UNC13C: variants seen among roughly 807,000 people sequenced by gnomAD.
The protein encoded by UNC13C is protein unc-13 homolog C.
Under a neutral mutation model 245.4 loss-of-function variants are expected in UNC13C, and 174 were observed. The observed-to-expected ratio is 0.71, with a 90% CI of 0.63 to 0.80. The LOEUF (loss-of-function observed/expected upper bound fraction) is 0.80, where lower values mean the gene tolerates loss of function less well. Ranked by LOEUF, UNC13C falls within the 30% of genes least tolerant of loss-of-function variation. The pLI, the probability that UNC13C is intolerant of heterozygous loss-of-function variation, is 0.00. For missense variants in UNC13C, 2,829 were observed against 2,602.9 expected (o/e 1.09, Z -1.89); for synonymous variants, 992 against 895.1 (o/e 1.11, Z -1.93).
intron 2 of UNC13C, among the ~76,000 whole-genome samples, chr15:54,044,025 T>A (rs966902519): frequency 5.3e-5 from 8 of 152,246 alleles, no homozygotes; most frequent in Non-Finnish European, 1.2e-4. Flanking sequence ...AATCTAATTT[T>A]GGAACTTTTG....
At chr15:54,307,509 G>A (rs2037757780) in intron 13 of UNC13C, among the ~76,000 whole-genome samples, 2 of 151,940 alleles carry the variant, frequency 1.3e-5, no homozygotes, top group South Asian at 4.1e-4. Context: ...AGGCAATGGG[G>A]AAATAGCAGT....
chr15:54,573,547 A>G (rs1472885601), intron 30 of UNC13C, among the ~76,000 whole-genome samples: 1 of 152,242 alleles, frequency 6.6e-6, no homozygotes, highest in Non-Finnish European at 1.5e-5. Context: ...CTTATTCTGC[A>G]TCCATTTAAC....
chr15:54,091,673 A>T (rs1439496549), intron 2 of UNC13C, among the ~76,000 whole-genome samples: 2 of 152,160 alleles, frequency 1.3e-5, no homozygotes, highest in African/African-American at 4.8e-5. Flanking sequence ...TATTGCTAGT[A>T]TATAAAGCCA....
intron 17 of UNC13C, among the ~76,000 whole-genome samples, chr15:54,352,903 G>T (rs1458482897): frequency 1.3e-5 from 2 of 152,154 alleles, no homozygotes; most frequent in Middle Eastern, 3.4e-3. Context: ...TGCAGTTTAT[G>T]TATCCTGTTT....
intron 24 of UNC13C, among the ~76,000 whole-genome samples, chr15:54,519,103 A>G (rs898503847): frequency 2.6e-5 from 4 of 152,134 alleles, no homozygotes; most frequent in Admixed American, 6.5e-5. Context: ...GGTTTTACCC[A>G]TTTGGAAACA....
chr15:53,966,920 T>C, the UNC13C span, among the ~76,000 whole-genome samples: 5 of 152,088 alleles, frequency 3.3e-5, no homozygotes, highest in African/African-American at 9.6e-5. Flanking sequence ...GAATTCTTTT[T>C]ACATACCTTT....
At chr15:54,019,065 T>G (rs757114177) in intron 2 of UNC13C, among the ~76,000 whole-genome samples, 34 of 152,224 alleles carry the variant, frequency 2.2e-4, no homozygotes, top group Non-Finnish European at 4.3e-4. Flanking sequence ...TTAGGCCCTT[T>G]CCAGGCTGTT....
At chr15:53,846,866 C>G in the UNC13C span, among the ~76,000 whole-genome samples, 1 of 152,086 alleles carries the variant, frequency 6.6e-6, no homozygotes, top group South Asian at 2.1e-4. Flanking sequence ...GAGAGTGAGA[C>G]AGAGATGTCT....
intron 2 of UNC13C, among the ~76,000 whole-genome samples, chr15:54,069,298 C>T (rs1898212202): frequency 6.6e-6 from 1 of 152,136 alleles, no homozygotes; most frequent in Admixed American, 6.5e-5. Context: ...TGCAAAGGTT[C>T]TATGATACCA....
chr15:53,958,648 T>G, the UNC13C span, among the ~76,000 whole-genome samples: 1 of 152,208 alleles, frequency 6.6e-6, no homozygotes, highest in African/African-American at 2.4e-5. Context: ...GCTTCCTGTC[T>G]TATTTGTTTT....
At chr15:54,039,068 A>G (rs1406663325) in intron 2 of UNC13C, among the ~76,000 whole-genome samples, 1 of 152,192 alleles carries the variant, frequency 6.6e-6, no homozygotes. Context: ...TATAATTGCT[A>G]TAGCAACAGG....
intron 4 of UNC13C, among the ~76,000 whole-genome samples, chr15:54,153,206 A>G (rs527977463): frequency 2.5e-4 from 38 of 152,278 alleles, no homozygotes; most frequent in Admixed American, 7.8e-4. Flanking sequence ...AGACTAGCAG[A>G]TTAAGAGTTC....
chr15:54,459,568 T>G (rs749689327), intron 19 of UNC13C, among the ~76,000 whole-genome samples: 53 of 152,212 alleles, frequency 3.5e-4, no homozygotes, highest in Non-Finnish European at 3.2e-4. Context: ...AATCCCAAAT[T>G]TCTTGGAAGT....
At chr15:54,473,921 T>G (rs890976290) in intron 19 of UNC13C, among the ~76,000 whole-genome samples, 39 of 151,836 alleles carry the variant, frequency 2.6e-4, no homozygotes, top group African/African-American at 9.4e-4. Context: ...TATCTATCAT[T>G]CCACTCTCTA....
chr15:53,993,077 A>T (rs913679389), intron 1 of UNC13C, among the ~76,000 whole-genome samples: 1 of 152,114 alleles, frequency 6.6e-6, no homozygotes, highest in Non-Finnish European at 1.5e-5. Flanking sequence ...CTAACTGAGG[A>T]CATAGATAAA....
chr15:54,051,433 GT>G lies in UNC13C; in HGVS notation c.2983+35555del, dbSNP rs938918617. On this transcript the variant is annotated intron_variant, in intron 2 of 32. Coordinates refer to ENST00000260323, the MANE Select transcript of UNC13C (RefSeq NM_001080534.3). ...TATACAAACTTCTATTTGTATTTGG[GT>G]TTTTTTTCCTGGACTTCCTAATTTT... is the stretch of plus-strand genomic sequence containing the variant. Among the ~76,000 whole-genome samples the G allele has an allele frequency of 2.6e-4, 40 of 151,636 alleles. 1 individual carries two copies. Among genetic ancestry groups the G allele is most frequent in the African/African-American group, 3.9e-4 (16 of 41,406 alleles).
At chr15:54,397,021 T>A (rs1185020150) in intron 18 of UNC13C, among the ~76,000 whole-genome samples, 2 of 151,320 alleles carry the variant, frequency 1.3e-5, no homozygotes, top group East Asian at 1.9e-4. Context: ...TGCGCATTTT[T>A]AAAAAAATTT....
the UNC13C span, among the ~76,000 whole-genome samples, chr15:53,844,826 T>C: frequency 6.6e-6 from 1 of 152,134 alleles, no homozygotes; most frequent in Non-Finnish European, 1.5e-5. Flanking sequence ...ACTAGTGACA[T>C]CATCCTAGAG....
At chr15:54,437,253 T>C (rs1457253003) in intron 19 of UNC13C, among the ~76,000 whole-genome samples, 1 of 151,990 alleles carries the variant, frequency 6.6e-6, no homozygotes, top group East Asian at 1.9e-4. Context: ...TTTAGCTATT[T>C]GATTATGCTC....
Sources: gnomAD v4.1 joint callset for allele counts (sites outside exome capture counted in the v4.1 genomes callset) on GRCh38, gnomAD v4.1.1 for gene constraint, MANE v1.5 for transcripts, NCBI Gene and HGNC (gene_info 2026-07-23, HGNC 2026-07-21) for gene names.